The following TPD52L2 variants were observed in gnomAD, a reference collection of about 807,000 sequenced individuals.
TPD52L2 encodes TPD52 like 2, also known as tumor protein D54.
Under a neutral mutation model 24.7 loss-of-function variants are expected in TPD52L2, and 19 were observed. The ratio of observed to expected loss-of-function variants is 0.77; its 90% confidence interval spans 0.54 to 1.13. The LOEUF (loss-of-function observed/expected upper bound fraction) is 1.13. Ranked by LOEUF, TPD52L2 falls within the 50% of genes most tolerant of loss-of-function variation. The pLI is 0.00. For missense variants in TPD52L2, 236 were observed against 250.4 expected (o/e 0.94, Z 0.39); for synonymous variants, 104 against 100.2 (o/e 1.04, Z -0.23).
At chr20:63,868,128 G>GT (rs2052329616) in intron 1 of TPD52L2, among the ~76,000 whole-genome samples, 1 of 152,034 alleles carries the variant, frequency 6.6e-6, no homozygotes, top group African/African-American at 2.4e-5. Flanking sequence ...GGTCAAGCTG[G>GT]TCTCGAACTC....
intron 5 of TPD52L2, among the ~76,000 whole-genome samples, chr20:63,884,535 G>A (rs376122088): frequency 1.2e-3 from 179 of 152,328 alleles, no homozygotes; most frequent in African/African-American, 4.2e-3. Context: ...TTTGATCTGG[G>A]CATTTGTTTG....
chr20:63,866,666 A>G (rs998329822), intron 1 of TPD52L2, among the ~76,000 whole-genome samples: 1 of 147,170 alleles, frequency 6.8e-6, no homozygotes, highest in Admixed American at 6.8e-5. Flanking sequence ...TTTCACTGTT[A>G]GCCATGACGG....
chr20:63,882,438 G>A (rs1367292203), intron 4 of TPD52L2, among the ~76,000 whole-genome samples: 1 of 152,268 alleles, frequency 6.6e-6, no homozygotes, highest in Non-Finnish European at 1.5e-5. Context: ...GTTGTGAGAT[G>A]AGAAAGCAGC....
intron 5 of TPD52L2, among the ~76,000 whole-genome samples, chr20:63,885,097 C>G (rs1378420744): frequency 6.6e-6 from 1 of 152,236 alleles, no homozygotes; most frequent in Non-Finnish European, 1.5e-5. Flanking sequence ...AGGTTTATGT[C>G]ATGAGTTTAG....
intron 2 of TPD52L2, among the ~76,000 whole-genome samples, chr20:63,872,609 C>T (rs2052509153): frequency 6.6e-6 from 1 of 152,024 alleles, no homozygotes; most frequent in African/African-American, 2.4e-5. Context: ...AACTCCTGAC[C>T]TCAGATAATC....
intron 5 of TPD52L2, chr20:63,887,632 C>T: frequency 6.2e-7 from 1 of 1,610,548 alleles, no homozygotes; most frequent in South Asian, 1.1e-5. Flanking sequence ...CGCTGCGGCT[C>T]CAGAGCCGGG....
chr20:63,869,763 A>C (rs977004742), intron 2 of TPD52L2, among the ~76,000 whole-genome samples: 4 of 152,202 alleles, frequency 2.6e-5, no homozygotes, highest in Non-Finnish European at 5.9e-5. Flanking sequence ...TGTTGGAATT[A>C]ACACTTGATA....
chr20:63,879,533 A>T (rs1262739716), intron 4 of TPD52L2, among the ~76,000 whole-genome samples: 2 of 152,202 alleles, frequency 1.3e-5, no homozygotes, highest in African/African-American at 4.8e-5. Context: ...GGCCGGGCAC[A>T]GGCGGTTGTT....
Position 63,890,150 on chromosome 20 carries a change from G to C in TPD52L2, c.*205G>C. 8.5e-7 allele frequency: 1 copy of C among 1,175,224 alleles called. No homozygotes were observed. The highest frequency in any genetic ancestry group is 1.5e-5 in the South Asian group (1 of 64,832). The allele number at this position is 1,175,224 out of a possible 1,614,324, so 72.8% of individuals were successfully genotyped here. A position where few individuals can be genotyped will look rare whatever the true frequency, so the allele number is the denominator to read the frequency against. ...TTGTACACAGATGTTTTACACTCAC[G>C]TTTGTAGATGAAACAGATCACTGTG... On this transcript the variant is annotated 3_prime_UTR_variant, in exon 7 of 7. Coordinates refer to ENST00000346249, the MANE Select transcript of TPD52L2 (RefSeq NM_003288.4).
chr20:63,886,005 C>T (rs1159004511), intron 5 of TPD52L2: 1 of 1,614,100 alleles, frequency 6.2e-7, no homozygotes, highest in Non-Finnish European at 8.5e-7. Flanking sequence ...TCTCCTGCTG[C>T]CACCTTCCAG....
chr20:63,889,043 C>T, intron 5 of TPD52L2, 147 bp from the exon 6 acceptor site: 1 of 700,844 alleles, frequency 1.4e-6, no homozygotes, highest in Non-Finnish European at 2.6e-6. Flanking sequence ...CCGGAATGAC[C>T]TGGCTGTCTC....
intron 2 of TPD52L2, among the ~76,000 whole-genome samples, chr20:63,872,481 A>G (rs1316757157): frequency 6.6e-6 from 1 of 150,846 alleles, no homozygotes; most frequent in African/African-American, 2.4e-5. Context: ...GGGTTCAAAC[A>G]GTTTTCCTGC....
chr20:63,886,703 G>A (rs528388690), intron 5 of TPD52L2, among the ~76,000 whole-genome samples: 60 of 150,636 alleles, frequency 4.0e-4, no homozygotes, highest in African/African-American at 1.2e-3. Context: ...GGAGCACAGT[G>A]GTGTGATCTC....
rs997289238 is a variant in TPD52L2 at position 63,866,330 on chromosome 20, C to A, written c.19+946C>A. On this transcript the variant is annotated intron_variant, in intron 1 of 6. Coordinates refer to ENST00000346249, the MANE Select transcript of TPD52L2 (RefSeq NM_003288.4). ...ATGTTGCCCAGGATGGTCTCGATCT[C>A]TTGACCTTGTGATCCGCCCGCCTCA... 6.6e-5 allele frequency among the ~76,000 whole-genome samples: 10 copies of A among 152,246 alleles called. 1 individual carries two copies. The highest frequency in any genetic ancestry group is 2.6e-4 in the Admixed American group (4 of 15,292).
At chr20:63,867,764 GT>G (rs1443363001) in intron 1 of TPD52L2, among the ~76,000 whole-genome samples, 1 of 148,074 alleles carries the variant, frequency 6.8e-6, no homozygotes, top group South Asian at 2.2e-4. Context: ...AAAAGGCATA[GT>G]TTTTTTTTCT....
intron 4 of TPD52L2, among the ~76,000 whole-genome samples, chr20:63,881,288 A>G (rs1354440596): frequency 6.6e-6 from 1 of 151,620 alleles, no homozygotes; most frequent in African/African-American, 2.4e-5. Flanking sequence ...TTGAACCCGG[A>G]GGCGGAGGTT....
intron 3 of TPD52L2, 31 bp downstream of exon 3, chr20:63,873,847 G>C: frequency 5.5e-6 from 8 of 1,465,972 alleles, no homozygotes; most frequent in Non-Finnish European, 7.2e-6. Flanking sequence ...CACCCCTGGG[G>C]GCTGAAGAGA....
intron 1 of TPD52L2, among the ~76,000 whole-genome samples, chr20:63,867,269 T>TA (rs1277333003): frequency 2.0e-5 from 3 of 152,132 alleles, no homozygotes. Flanking sequence ...TGTCTTTTTT[T>TA]AAATAGAACA....
At chr20:63,876,560 G>T (rs777989364) in intron 4 of TPD52L2, 8 of 355,872 alleles carry the variant, frequency 2.2e-5, no homozygotes, top group Non-Finnish European at 3.9e-5. Flanking sequence ...TTAAACTGAG[G>T]AGGGGAATAT....
Sources: allele counts gnomAD v4.1 joint callset (sites outside exome capture counted in the v4.1 genomes callset), GRCh38; gene constraint gnomAD v4.1.1; transcripts MANE v1.5; gene names NCBI Gene and HGNC (gene_info 2026-07-23, HGNC 2026-07-21).